Variants in EPB41L1 observed in about 807,000 individuals in gnomAD.
EPB41L1 encodes the protein erythrocyte membrane protein band 4.1 like 1, also known as band 4.1-like protein 1.
Under a neutral mutation model 97.8 loss-of-function variants are expected in EPB41L1, and 29 were observed. The ratio of observed to expected loss-of-function variants is 0.30; its 90% CI spans 0.22 to 0.40. The LOEUF is 0.40. EPB41L1 is among the 10% of genes least tolerant of loss of function. EPB41L1 has a pLI of 1.00. For missense variants in EPB41L1, 812 were observed against 1,162.3 expected, an observed-to-expected ratio of 0.70 and a Z score of 4.38; for synonymous variants, 383 against 459.2, an observed-to-expected ratio of 0.83 and a Z score of 2.12.
In EPB41L1 at chr20:36,202,200, G is replaced by A. The variant is rs2425188; in HGVS notation, c.1668+4159G>A. Among the ~76,000 whole-genome samples, 366 of 152,278 alleles carry A rather than the reference G, an allele frequency of 2.4e-3. 8 individuals carry two copies. In the East Asian group the frequency reaches 0.053, roughly 22 times the overall value. On this transcript the variant is annotated intron_variant, in intron 14 of 21. Coordinates refer to ENST00000338074, the MANE Select transcript of EPB41L1 (RefSeq NM_012156.2). ...AGCCCACAACCTGCACCCCGCCCCC[G>A]CATCATTCTCCTGCAAATGTCCATC...
At chr20:36,149,875 C>A (rs1214327440), upstream of EPB41L1, 5 of 152,280 alleles carry the variant, frequency 3.3e-5, no homozygotes, top group African/African-American at 1.2e-4. Flanking sequence ...TTTTCTGATC[C>A]CTATGGGCTG....
At position 36,211,832 on chromosome 20, in the gene EPB41L1, C is replaced by T. The variant is rs569874532; in HGVS notation, c.2080-440C>T. 9.9e-5 allele frequency among the ~76,000 whole-genome samples: 15 copies of T among 152,072 alleles called. No homozygotes were observed. In the South Asian group the frequency reaches 1.5e-3, roughly 15 times the overall value. On this transcript the variant is annotated intron_variant, in intron 15 of 21. Transcript: ENST00000338074. The stretch of plus-strand genomic sequence containing the variant: ...TCGCACCATCGCACTCCAGCCTGGG[C>T]GACAAAGGGAGAGTCTGTCTCAAGA...
intron 2 of EPB41L1, among the ~76,000 whole-genome samples, chr20:36,134,697 A>G (rs1244300793): frequency 4.6e-5 from 7 of 152,064 alleles, no homozygotes; most frequent in Admixed American, 3.9e-4. Flanking sequence ...AGCCTGGGCT[A>G]TTAGCTCCTC....
chr20:36,139,695 G>T (rs1306136531), intron 2 of EPB41L1, among the ~76,000 whole-genome samples: 1 of 151,470 alleles, frequency 6.6e-6, no homozygotes, highest in Non-Finnish European at 1.5e-5. Context: ...CATCTGTGCA[G>T]TAAAGGGATA....
intron 1 of EPB41L1, among the ~76,000 whole-genome samples, chr20:36,101,146 C>G (rs1451257571): frequency 6.6e-6 from 1 of 152,144 alleles, no homozygotes; most frequent in African/African-American, 2.4e-5. Context: ...ATGCTGCAGG[C>G]TCAGTGACGG....
intron 6 of EPB41L1, 32 bp from the exon 7 acceptor site, chr20:36,185,085 C>T: frequency 6.2e-7 from 1 of 1,606,302 alleles, no homozygotes; most frequent in Non-Finnish European, 8.5e-7. Context: ...GAGTAGGGCC[C>T]TGTGCCCATG....
intron 1 of EPB41L1, among the ~76,000 whole-genome samples, chr20:36,107,040 G>A (rs570771698): frequency 6.6e-6 from 1 of 152,072 alleles, no homozygotes; most frequent in East Asian, 1.9e-4. Flanking sequence ...CTGAGCTCAG[G>A]CAAAGTAATC....
intron 2 of EPB41L1, among the ~76,000 whole-genome samples, chr20:36,137,671 T>C (rs954621752): frequency 1.3e-5 from 2 of 152,002 alleles, no homozygotes; most frequent in Non-Finnish European, 2.9e-5. Flanking sequence ...ATTACAGGCA[T>C]GCACCACCGT....
At position 36,149,240 on chromosome 20, in the gene EPB41L1, C is replaced by T. The variant is rs561673689; in HGVS notation, c.-9-26311C>T. Among the ~76,000 whole-genome samples, 70 of 152,302 alleles carry T rather than the reference C, an allele frequency of 4.6e-4. 2 individuals carry two copies. The South Asian group carries it at 0.014, about 31-fold the overall frequency. On this transcript the variant is annotated intron_variant, in intron 2 of 19. Transcript: ENST00000202028. ...CCTGTGCTAATAAATGTCCCCCATC[C>T]CTGCCCCAGCCCCTTTGCCAGAGGT... is the stretch of plus-strand genomic sequence containing the variant.
At position 36,195,423 on chromosome 20, in the gene EPB41L1, ACCATCCCACAGT is replaced by A. The variant is rs2062150751; in HGVS notation, c.1485+68_1485+79del. The A allele has an allele frequency of 1.9e-6, 3 of 1,590,298 alleles. No individual in the cohort carries two copies. Among genetic ancestry groups the A allele is most frequent in the Non-Finnish European group, 2.6e-6 (3 of 1,159,118 alleles). On this transcript the variant is annotated intron_variant, in intron 13 of 21. Coordinates refer to ENST00000338074, the MANE Select transcript of EPB41L1 (RefSeq NM_012156.2). The surrounding 1 kb of genome is among the most constrained non-coding windows in gnomAD (Gnocchi z 4.6). ...CGTTCCCATCCCTAGCTCATTTGTCACCATCCCACAGTCCATCCCAGGCTCACTTCCCTGGCA... is the reference window on the plus strand; with the variant it reads ...CGTTCCCATCCCTAGCTCATTTGTCACCATCCCAGGCTCACTTCCCTGGCA...
chr20:36,222,633 C>A (rs1399261631), intron 21 of EPB41L1, among the ~76,000 whole-genome samples: 1 of 151,844 alleles, frequency 6.6e-6, no homozygotes, highest in African/African-American at 2.4e-5. Context: ...GGCTCCAGAT[C>A]CAGAAAAATA....
At chr20:36,158,959 T>C (rs1186931480) in intron 1 of EPB41L1, among the ~76,000 whole-genome samples, 1 of 152,194 alleles carries the variant, frequency 6.6e-6, no homozygotes, top group Non-Finnish European at 1.5e-5. Flanking sequence ...TTTGGGAAGG[T>C]CCTTTTGGCA....
chr20:36,169,916 T>A (rs1023553260), intron 1 of EPB41L1, among the ~76,000 whole-genome samples: 5 of 152,158 alleles, frequency 3.3e-5, no homozygotes, highest in Non-Finnish European at 5.9e-5. Context: ...TGCAGCCAGC[T>A]CCTCGGGAAC....
In EPB41L1 at chr20:36,212,443, C is replaced by A. The variant is rs894453438; in HGVS notation, c.2184+67C>A. 16 of 1,383,788 alleles carry A rather than the reference C, an allele frequency of 1.2e-5. No individual in the cohort carries two copies. The East Asian group carries it at 3.7e-4, about 32-fold the overall frequency. 85.7% of individuals were successfully genotyped at this position (1,383,788 alleles called of 1,614,324 possible). A position where few individuals can be genotyped will look rare whatever the true frequency, so the allele number is the denominator to read the frequency against. On this transcript the variant is annotated intron_variant, in intron 16 of 21. Transcript: ENST00000338074. The surrounding 1 kb of genome is among the most constrained non-coding windows in gnomAD (Gnocchi z 4.8). ...GCATTTGGTGGTAGGGTCCCCACTGCTGTGGCCAAACCCCTTGGCCAGCTC... is the reference window on the plus strand; with the variant it reads ...GCATTTGGTGGTAGGGTCCCCACTGATGTGGCCAAACCCCTTGGCCAGCTC...
intron 2 of EPB41L1, among the ~76,000 whole-genome samples, chr20:36,141,832 G>C (rs893530298): frequency 5.9e-5 from 9 of 152,146 alleles, no homozygotes; most frequent in African/African-American, 2.2e-4. Context: ...TTGGGGCCAG[G>C]CACGGTGGCT....
intron 1 of EPB41L1, among the ~76,000 whole-genome samples, chr20:36,172,854 C>T (rs1277284488): frequency 1.3e-5 from 2 of 152,216 alleles, no homozygotes; most frequent in African/African-American, 4.8e-5. Context: ...CCCTCCCTGG[C>T]CTCCCAAAGT....
intron 20 of EPB41L1, 57 bp downstream of exon 20, chr20:36,222,001 A>G (rs1184349972): frequency 2.6e-6 from 4 of 1,563,358 alleles, no homozygotes; most frequent in Non-Finnish European, 3.5e-6. Flanking sequence ...AATCCCTCCT[A>G]TGTTGGGTTA....
At chr20:36,220,856 G>A (rs1335443728) in intron 19 of EPB41L1, among the ~76,000 whole-genome samples, 47 of 152,164 alleles carry the variant, frequency 3.1e-4, no homozygotes, top group Admixed American at 3.0e-3. Context: ...GCCTAGCCAG[G>A]GCTGGAGGCC....
chr20:36,174,004 A>C (rs1294934190), intron 2 of EPB41L1, 50 bp downstream of exon 2: 1 of 1,569,316 alleles, frequency 6.4e-7, no homozygotes, highest in East Asian at 2.3e-5. Flanking sequence ...ACCGTCCTCC[A>C]GGTCCAGTTC....
Sources: gnomAD v4.1 joint callset for allele counts (sites outside exome capture counted in the v4.1 genomes callset) on GRCh38, gnomAD v4.1.1 for gene constraint, Gnocchi (gnomAD v3.1) non-coding constraint, MANE v1.5 for transcripts, NCBI Gene and HGNC (gene_info 2026-07-23, HGNC 2026-07-21) for gene names.